The following TEX9 variants were observed in gnomAD, a reference collection of about 807,000 sequenced individuals.
TEX9 encodes testis-expressed protein 9.
Under a neutral mutation model 59.6 loss-of-function variants are expected in TEX9, and 74 were observed. The ratio of observed to expected loss-of-function variants is 1.24; its 90% CI spans 1.03 to 1.51. The LOEUF is 1.51. Among genes scored for constraint, TEX9 ranks in the 40% most tolerant of loss-of-function variants. TEX9 has a pLI of 0.00. For synonymous variants in TEX9, 186 were observed against 152.2 expected (o/e 1.22, Z -1.64); for missense variants, 522 against 447.8 (o/e 1.17, Z -1.49).
chr15:56,365,462 A>G (rs200074847), exon 1 of TEX9: 2 of 1,612,788 alleles, frequency 1.2e-6, no homozygotes, highest in African/African-American at 1.3e-5. Context: ...TGGCGGGGCG[A>G]AGTCTGTGTC....
intron 9 of TEX9, among the ~76,000 whole-genome samples, chr15:56,405,352 C>G (rs1477205567): frequency 6.7e-6 from 1 of 150,360 alleles, no homozygotes; most frequent in Non-Finnish European, 1.5e-5. Context: ...GTTGGTTAAG[C>G]AAATTACCCA....
At chr15:56,381,048 G>A (rs1596148528) in intron 3 of TEX9, among the ~76,000 whole-genome samples, 2 of 151,958 alleles carry the variant, frequency 1.3e-5, no homozygotes. Context: ...AGGCCAATAA[G>A]TCTTATATTT....
At chr15:56,257,585 T>C (rs1278871115) in intron 1 of TEX9, among the ~76,000 whole-genome samples, 1 of 152,226 alleles carries the variant, frequency 6.6e-6, no homozygotes, top group East Asian at 1.9e-4. Flanking sequence ...TGCATGTATG[T>C]CTTCTTTTGA....
intron 1 of TEX9, among the ~76,000 whole-genome samples, chr15:56,312,387 T>C (rs2045643342): frequency 6.9e-6 from 1 of 144,708 alleles, no homozygotes; most frequent in African/African-American, 2.5e-5. Context: ...CCCAGTACCA[T>C]TTATTAAATA....
At chr15:56,428,549 T>A (rs2050440574) in intron 12 of TEX9, 1 of 721,710 alleles carries the variant, frequency 1.4e-6, no homozygotes, top group Admixed American at 2.7e-5. Context: ...TATATTTGAT[T>A]ATGAAAGCAA....
At chr15:56,317,118 G>A (rs921474655) in intron 1 of TEX9, among the ~76,000 whole-genome samples, 1 of 152,184 alleles carries the variant, frequency 6.6e-6, no homozygotes, top group Non-Finnish European at 1.5e-5. Context: ...CTTCTGCGTC[G>A]CTCACGCTGG....
At chr15:56,343,958 C>G (rs1381041948) in intron 1 of TEX9, among the ~76,000 whole-genome samples, 1 of 152,106 alleles carries the variant, frequency 6.6e-6, no homozygotes, top group Non-Finnish European at 1.5e-5. Flanking sequence ...CAAATCCAAA[C>G]TACAGTGAGA....
chr15:56,257,075 A>G (rs2044161171), intron 1 of TEX9, among the ~76,000 whole-genome samples: 1 of 152,002 alleles, frequency 6.6e-6, no homozygotes, highest in African/African-American at 2.4e-5. Flanking sequence ...TGCTAAGGAT[A>G]ATGGCCTCCA....
intron 9 of TEX9, among the ~76,000 whole-genome samples, chr15:56,408,210 C>T (rs1266531191): frequency 1.3e-5 from 2 of 152,180 alleles, no homozygotes; most frequent in Non-Finnish European, 2.9e-5. Context: ...TTTGCTTAGG[C>T]TTCCATCTCT....
At chr15:56,417,147 A>G (rs1164062018) in intron 10 of TEX9, among the ~76,000 whole-genome samples, 7 of 151,776 alleles carry the variant, frequency 4.6e-5, no homozygotes, top group Non-Finnish European at 8.8e-5. Flanking sequence ...TCAAAAAACC[A>G]GCTCCTGGAT....
At chr15:56,270,403 G>A (rs1366721908) in intron 1 of TEX9, among the ~76,000 whole-genome samples, 2 of 152,020 alleles carry the variant, frequency 1.3e-5, no homozygotes, top group African/African-American at 2.4e-5. Flanking sequence ...TTATGTAATG[G>A]CCTTCTTTGT....
chr15:56,269,308 T>C (rs2044466777), intron 1 of TEX9, among the ~76,000 whole-genome samples: 1 of 152,126 alleles, frequency 6.6e-6, no homozygotes, highest in African/African-American at 2.4e-5. Flanking sequence ...GGTTTTTTCG[T>C]GTCTCTATTT....
At chr15:56,416,699 G>C (rs1298532905) in intron 10 of TEX9, among the ~76,000 whole-genome samples, 1 of 151,522 alleles carries the variant, frequency 6.6e-6, no homozygotes, top group Non-Finnish European at 1.5e-5. Flanking sequence ...GCCAGGTTTT[G>C]GTATCAAGAT....
intron 2 of TEX9, among the ~76,000 whole-genome samples, chr15:56,373,042 C>A (rs1252665964): frequency 1.3e-5 from 2 of 152,118 alleles, no homozygotes; most frequent in Non-Finnish European, 2.9e-5. Context: ...CATACCGTGC[C>A]CACTTCTGCC....
intron 1 of TEX9, among the ~76,000 whole-genome samples, chr15:56,249,450 AGAGGGAGGGAGGGAGGGAAGAAAG>A (rs1293953895): frequency 7.6e-6 from 1 of 132,100 alleles, no homozygotes; most frequent in Non-Finnish European, 1.6e-5. Flanking sequence ...GGAGAGAGAG[AGAGGGAGGGAGGGAGGGAAGAAAG>A]GAGGGAGGGA....
In TEX9 at chr15:56,391,234, A is replaced by G. The variant is rs1276619296; in HGVS notation, c.396-9A>G. 1 of 1,532,518 alleles carries G rather than the reference A, an allele frequency of 6.5e-7. No homozygotes were observed. The highest frequency in any genetic ancestry group is 1.4e-5 in the African/African-American group (1 of 71,550). The allele number at this position is 1,532,518 out of a possible 1,614,324, so 94.9% of individuals were successfully genotyped here. ...ATACATACATATGTATTTAATTTTT[A>G]TTTTTTAGTGTTAAATTGAAATACT... is the stretch of plus-strand genomic sequence containing the variant. On this transcript the variant is annotated splice_polypyrimidine_tract_variant and intron_variant, in intron 6 of 12. Transcript: ENST00000352903.
intron 9 of TEX9, chr15:56,396,136 G>C (rs956612443): frequency 8.1e-4 from 124 of 152,222 alleles, no homozygotes; most frequent in African/African-American, 2.8e-3. Context: ...GTGACGATAA[G>C]AATTATGTAA....
intron 1 of TEX9, among the ~76,000 whole-genome samples, chr15:56,308,755 C>T (rs2045538677): frequency 6.6e-6 from 1 of 152,160 alleles, no homozygotes; most frequent in East Asian, 1.9e-4. Context: ...GGTCCAACTT[C>T]ATTTTTTGTA....
chr15:56,426,589 G>GTA (rs71110391), intron 10 of TEX9, among the ~76,000 whole-genome samples: 403 of 24,196 alleles, frequency 0.017, 10 homozygotes, highest in South Asian at 0.031. Context: ...TTGAAAAGGT[G>GTA]TATATATATA....
Sources: allele counts gnomAD v4.1 joint callset (sites outside exome capture counted in the v4.1 genomes callset), GRCh38; gene constraint gnomAD v4.1.1; transcripts MANE v1.5; gene names NCBI Gene and HGNC (gene_info 2026-07-23, HGNC 2026-07-21).